Variants in IL1RAPL1 observed in about 807,000 individuals in gnomAD.
IL1RAPL1 encodes interleukin 1 receptor accessory protein like 1.
IL1RAPL1 carries 3 observed loss-of-function variants against 48.4 expected under a neutral mutation model. That is an observed-to-expected ratio of 0.06 (90% confidence interval 0.03 to 0.16). IL1RAPL1 has a LOEUF of 0.16. IL1RAPL1 is among the 10% of genes least tolerant of loss of function. The pLI, the probability that IL1RAPL1 is intolerant of heterozygous loss-of-function variation, is 1.00. For synonymous variants in IL1RAPL1, 185 were observed against 187.7 expected, an observed-to-expected ratio of 0.99 and a Z score of 0.12; for missense variants, 349 against 530.6, an observed-to-expected ratio of 0.66 and a Z score of 3.36.
At chrX:29,021,448 A>G (rs903675683) in intron 2 of IL1RAPL1, among the ~76,000 whole-genome samples, 1 of 110,846 alleles carries the variant, frequency 9.0e-6, no homozygotes, top group Non-Finnish European at 1.9e-5. Flanking sequence ...ACAGCTGTCT[A>G]TCTTATTCAT....
intron 1 of IL1RAPL1, among the ~76,000 whole-genome samples, chrX:28,647,046 C>A (rs1190515498): frequency 5.4e-5 from 6 of 111,299 alleles, no homozygotes; most frequent in Admixed American, 9.6e-5. Context: ...CTAATTGGCC[C>A]TTCAAATTTA....
At chrX:29,559,640 C>G (rs981268875) in intron 5 of IL1RAPL1, among the ~76,000 whole-genome samples, 2 of 110,635 alleles carry the variant, frequency 1.8e-5, no homozygotes, top group African/African-American at 6.6e-5. Context: ...CAGTAGTATG[C>G]TTTGATTCCT....
At chrX:29,834,581 C>G (rs1023781545) in intron 6 of IL1RAPL1, among the ~76,000 whole-genome samples, 10 of 91,019 alleles carry the variant, frequency 1.1e-4, no homozygotes, top group Non-Finnish European at 1.9e-4. Context: ...ACTTTTGGTT[C>G]TACTTGAGAC....
intron 2 of IL1RAPL1, among the ~76,000 whole-genome samples, chrX:28,955,525 A>G (rs937122993): frequency 1.8e-5 from 2 of 109,807 alleles, no homozygotes; most frequent in Non-Finnish European, 3.8e-5. Context: ...AGCACCATTT[A>G]TTAAATAGGG....
intron 6 of IL1RAPL1, among the ~76,000 whole-genome samples, chrX:29,906,996 A>G: frequency 9.0e-6 from 1 of 111,706 alleles, no homozygotes; most frequent in South Asian, 3.8e-4. Flanking sequence ...TGGGAGTATA[A>G]AATAAAAACT....
intron 1 of IL1RAPL1, among the ~76,000 whole-genome samples, chrX:28,702,967 A>G (rs1601865269): frequency 9.0e-6 from 1 of 111,343 alleles, no homozygotes; most frequent in East Asian, 2.8e-4. Context: ...TAATCTTCTC[A>G]GTTCTTATCA....
intron 5 of IL1RAPL1, among the ~76,000 whole-genome samples, chrX:29,506,459 C>CCTCCTCCTCCTCCTT (rs1396441325): frequency 9.3e-6 from 1 of 108,071 alleles, no homozygotes; most frequent in Non-Finnish European, 1.9e-5. Context: ...TCCTCCTCCT[C>CCTCCTCCTCCTCCTT]CTCCTCCTTC....
chrX:29,737,662 G>A (rs1464789564), intron 6 of IL1RAPL1, among the ~76,000 whole-genome samples: 2 of 112,048 alleles, frequency 1.8e-5, no homozygotes, highest in African/African-American at 6.5e-5. Context: ...TGAGTATTTT[G>A]TCTTTAACCA....
chrX:28,978,651 C>T, intron 2 of IL1RAPL1, among the ~76,000 whole-genome samples: 1 of 111,565 alleles, frequency 9.0e-6, no homozygotes, highest in East Asian at 2.8e-4. Context: ...ATCTAGTGTT[C>T]ATGAATTCAA....
chrX:29,562,115 A>AATCTATCT (rs560107095), intron 5 of IL1RAPL1, among the ~76,000 whole-genome samples: 149 of 59,955 alleles, frequency 2.5e-3, no homozygotes, highest in Middle Eastern at 8.3e-3. Flanking sequence ...CTATCTATCT[A>AATCTATCT]ATCTATCTAT....
chrX:29,098,634 C>A (rs1928266594), intron 2 of IL1RAPL1, among the ~76,000 whole-genome samples: 2 of 111,572 alleles, frequency 1.8e-5, no homozygotes, highest in East Asian at 5.6e-4. Flanking sequence ...GAGTCAGAAT[C>A]TGAAATTCAA....
rs181874438 is a variant in IL1RAPL1 at position 29,648,155 on chromosome X, A to G, written c.704-20275A>G. On this transcript the variant is annotated intron_variant, in intron 5 of 10. Transcript: ENST00000378993. Reference sequence around the variant, plus strand: ...GAGCACCTAAATATACAAAGAAAATAGTAATAGATCTGAAAGGAGAGAAAG... The same window carrying G: ...GAGCACCTAAATATACAAAGAAAATGGTAATAGATCTGAAAGGAGAGAAAG... Among the ~76,000 whole-genome samples the G allele has an allele frequency of 9.8e-5, 11 of 111,934 alleles. No individual in the cohort carries two copies. In the East Asian group the frequency reaches 3.1e-3, roughly 32 times the overall value.
intron 1 of IL1RAPL1, among the ~76,000 whole-genome samples, chrX:28,690,239 C>T (rs748159014): frequency 8.9e-6 from 1 of 111,839 alleles, no homozygotes; most frequent in African/African-American, 3.3e-5. Flanking sequence ...CCAACTTCCA[C>T]GAATGGCTTC....
chrX:28,858,217 T>A (rs1405889672), intron 2 of IL1RAPL1, among the ~76,000 whole-genome samples: 1 of 112,322 alleles, frequency 8.9e-6, no homozygotes, highest in Non-Finnish European at 1.9e-5. Flanking sequence ...TTTCTTAAGA[T>A]GAAATCTACT....
At chrX:29,421,880 C>G (rs1048537851) in intron 5 of IL1RAPL1, among the ~76,000 whole-genome samples, 1 of 111,964 alleles carries the variant, frequency 8.9e-6, no homozygotes, top group Non-Finnish European at 1.9e-5. Context: ...TTAATTCTTA[C>G]TTGTATGTTT....
intron 5 of IL1RAPL1, among the ~76,000 whole-genome samples, chrX:29,614,287 C>G (rs186323845): frequency 0.072 from 8,062 of 111,755 alleles, 269 homozygotes; most frequent in Middle Eastern, 0.18. Context: ...AGCTGTCCCA[C>G]ATGAGACTCT....
intron 5 of IL1RAPL1, among the ~76,000 whole-genome samples, chrX:29,441,457 T>C (rs1934546574): frequency 8.9e-6 from 1 of 112,225 alleles, no homozygotes; most frequent in Non-Finnish European, 1.9e-5. Flanking sequence ...TGTTGATGTA[T>C]ACTGGGATGT....
At chrX:29,572,045 C>T (rs1443979961) in intron 5 of IL1RAPL1, among the ~76,000 whole-genome samples, 1 of 112,111 alleles carries the variant, frequency 8.9e-6, no homozygotes, top group African/African-American at 3.2e-5. Context: ...TTTGAGTTCA[C>T]ATAAGGATAT....
chrX:28,769,041 G>A (rs1052498124), intron 1 of IL1RAPL1, among the ~76,000 whole-genome samples: 1 of 107,546 alleles, frequency 9.3e-6, no homozygotes, highest in Non-Finnish European at 1.9e-5. Flanking sequence ...ATGAGTTCGA[G>A]TGTGAAGTGA....
Sources: gnomAD v4.1 joint callset for allele counts (sites outside exome capture counted in the v4.1 genomes callset) on GRCh38, gnomAD v4.1.1 for gene constraint, MANE v1.5 for transcripts, NCBI Gene and HGNC (gene_info 2026-07-23, HGNC 2026-07-21) for gene names.